Variants in ZNF610 observed in about 807,000 individuals in gnomAD.
ZNF610 encodes zinc finger protein 610.
In ZNF610, 14 loss-of-function variants were observed where a neutral mutation model predicts 14.1. The ratio of observed to expected loss-of-function variants is 0.99; its 90% CI spans 0.65 to 1.55. ZNF610 has a LOEUF of 1.55. ZNF610 is among the 40% of genes most tolerant of loss of function. ZNF610 has a pLI of 0.00. For synonymous variants in ZNF610, 185 were observed against 187.6 expected, an observed-to-expected ratio of 0.99 and a Z score of 0.11; for missense variants, 530 against 558.0, an observed-to-expected ratio of 0.95 and a Z score of 0.51.
chr19:52,333,876 T>A (rs1394759964), upstream of ZNF610, among the ~76,000 whole-genome samples: 4 of 152,228 alleles, frequency 2.6e-5, no homozygotes, highest in Admixed American at 2.6e-4. Context: ...TAGTCTTTGA[T>A]TTGTGCTTGC....
At chr19:52,352,144 G>A (rs1985287436) in intron 3 of ZNF610, among the ~76,000 whole-genome samples, 1 of 152,134 alleles carries the variant, frequency 6.6e-6, no homozygotes, top group South Asian at 2.1e-4. Flanking sequence ...TTTAGTTAGG[G>A]GCCATGTGTA....
At chr19:52,365,543 AC>A (rs897596606) in intron 5 of ZNF610, among the ~76,000 whole-genome samples, 154 bp from the exon 6 acceptor site, 3 of 151,958 alleles carry the variant, frequency 2.0e-5, no homozygotes, top group African/African-American at 7.3e-5. Flanking sequence ...GCATCACGTC[AC>A]CCCCTTGTGT....
intron 5 of ZNF610, among the ~76,000 whole-genome samples, chr19:52,357,368 G>A (rs145594984): frequency 9.2e-5 from 14 of 152,024 alleles, no homozygotes; most frequent in Admixed American, 7.2e-4. Flanking sequence ...AAAATTGGCC[G>A]GGCGCAGTGG....
chr19:52,353,528 G>T (rs749473960), intron 3 of ZNF610, among the ~76,000 whole-genome samples, 154 bp from the exon 4 acceptor site: 3 of 152,120 alleles, frequency 2.0e-5, no homozygotes, highest in African/African-American at 7.2e-5. Context: ...ACATATTTTT[G>T]AATGTGAACA....
intron 2 of ZNF610, chr19:52,348,351 C>T (rs1236739027): frequency 6.6e-6 from 1 of 152,078 alleles, no homozygotes; most frequent in Non-Finnish European, 1.5e-5. Flanking sequence ...AGTTGTTATA[C>T]TCTGTTGTTT....
chr19:52,330,855 A>G, the ZNF610 span, among the ~76,000 whole-genome samples: 1 of 152,248 alleles, frequency 6.6e-6, no homozygotes, highest in African/African-American at 2.4e-5. Context: ...AGGATCTATT[A>G]ATGCACTAAG....
chr19:52,333,839 T>C (rs1728271011), upstream of ZNF610, among the ~76,000 whole-genome samples: 1 of 152,220 alleles, frequency 6.6e-6, no homozygotes, highest in Non-Finnish European at 1.5e-5. Context: ...TATGCATGAA[T>C]GACTGTCTTA....
At chr19:52,334,936 A>AACACACACACACAC (rs559202600), upstream of ZNF610, among the ~76,000 whole-genome samples, 417 of 41,610 alleles carry the variant, frequency 0.01, 3 homozygotes, top group African/African-American at 0.037. Context: ...CTCAAAAACA[A>AACACACACACACAC]ACACACACAC....
intron 1 of ZNF610, among the ~76,000 whole-genome samples, chr19:52,342,778 G>GCC (rs2122184889): frequency 6.6e-6 from 1 of 152,066 alleles, no homozygotes; most frequent in East Asian, 1.9e-4. Flanking sequence ...ATCCACCTTG[G>GCC]CCTCCCAAAG....
At chr19:52,345,781 T>C (rs1984910706) in intron 1 of ZNF610, among the ~76,000 whole-genome samples, 1 of 152,060 alleles carries the variant, frequency 6.6e-6, no homozygotes. Flanking sequence ...CTCGACTCAC[T>C]GCAAGCTCCG....
intron 5 of ZNF610, among the ~76,000 whole-genome samples, chr19:52,363,878 A>G (rs1353084606): frequency 6.6e-6 from 1 of 152,154 alleles, no homozygotes; most frequent in African/African-American, 2.4e-5. Context: ...ATCTTGTCAC[A>G]TATTAGCTGT....
intron 5 of ZNF610, among the ~76,000 whole-genome samples, chr19:52,359,656 G>T (rs190878927): frequency 1.9e-4 from 29 of 152,316 alleles, no homozygotes; most frequent in African/African-American, 6.7e-4. Flanking sequence ...GACAGAATAA[G>T]ACTTCCGTGA....
chr19:52,333,766 G>A (rs117632258), upstream of ZNF610, among the ~76,000 whole-genome samples: 5 of 152,248 alleles, frequency 3.3e-5, no homozygotes, highest in East Asian at 7.7e-4. Context: ...AAATTAAAAG[G>A]TAAAAATGCT....
intron 1 of ZNF610, among the ~76,000 whole-genome samples, chr19:52,338,303 A>T (rs574316577): frequency 6.6e-6 from 1 of 152,338 alleles, no homozygotes; most frequent in South Asian, 2.1e-4. Flanking sequence ...CTTTTTGCTT[A>T]GTTTCACCCA....
chr19:52,338,922 C>T (rs557635106), intron 1 of ZNF610, among the ~76,000 whole-genome samples: 15 of 151,784 alleles, frequency 9.9e-5, no homozygotes, highest in Non-Finnish European at 1.6e-4. Flanking sequence ...ACGGAGGACC[C>T]GCGCCGGCCC....
intron 5 of ZNF610, among the ~76,000 whole-genome samples, chr19:52,360,287 C>G (rs1600239364): frequency 1.3e-5 from 2 of 152,286 alleles, no homozygotes; most frequent in Middle Eastern, 6.8e-3. Context: ...GCCCTGGGGC[C>G]TACCGTACCC....
In ZNF610 at chr19:52,353,799, G is replaced by T. The variant is rs1431324365; in HGVS notation, c.181G>T (p.Val61Phe). The change falls in exon 4 of 6, where the codon GTC becomes TTC. Residue 61 changes from valine (V) to phenylalanine (F), a missense_variant. Transcript: ENST00000403906. ...GATGTTGGAGAACTACAGGAACCTG[G>T]TCTTTCTGGGTGAGGATGACTTCCC... ...DVMLENYRNL[V>F]FLGICLPDLS... is the part of the protein sequence containing the mutation. 1 of 1,611,732 alleles carries T rather than the reference G, an allele frequency of 6.2e-7. No homozygotes were observed. The highest frequency in any genetic ancestry group is 8.5e-7 in the Non-Finnish European group (1 of 1,179,308).
chr19:52,338,859 C>T (rs1481943936), intron 1 of ZNF610, among the ~76,000 whole-genome samples: 1 of 152,012 alleles, frequency 6.6e-6, no homozygotes, highest in Non-Finnish European at 1.5e-5. Flanking sequence ...GAAAGAGACA[C>T]AGAGCAAAGT....
intron 3 of ZNF610, among the ~76,000 whole-genome samples, chr19:52,350,230 T>C (rs1487814137): frequency 1.3e-5 from 2 of 152,188 alleles, no homozygotes; most frequent in Non-Finnish European, 2.9e-5. Context: ...TATATTTGTT[T>C]TATAGGAAGA....
Sources: gnomAD v4.1 joint callset for allele counts (sites outside exome capture counted in the v4.1 genomes callset) on GRCh38, gnomAD v4.1.1 for gene constraint, MANE v1.5 for transcripts, NCBI Gene and HGNC (gene_info 2026-07-23, HGNC 2026-07-21) for gene names.